The following PEX14 variants were observed in gnomAD, a reference collection of about 807,000 sequenced individuals.
PEX14 encodes the protein peroxisomal biogenesis factor 14.
A neutral mutation model predicts 49.5 loss-of-function variants in PEX14; 15 were observed. The observed-to-expected ratio is 0.30, with a 90% CI of 0.20 to 0.47. The LOEUF (loss-of-function observed/expected upper bound fraction) is 0.47, where lower values mean the gene tolerates loss of function less well. Among genes scored for constraint, PEX14 ranks in the 20% least tolerant of loss-of-function variants. The probability of loss-of-function intolerance (pLI) is 1.00; values close to 1 mark genes in which losing one functional copy is unlikely to be tolerated. For missense variants in PEX14, 398 were observed against 494.8 expected (o/e 0.80, Z 1.86); for synonymous variants, 210 against 212.7 (o/e 0.99, Z 0.11).
chr1:10,546,003 C>CCA (rs1239522382), intron 3 of PEX14, among the ~76,000 whole-genome samples: 3 of 152,002 alleles, frequency 2.0e-5, no homozygotes, highest in Non-Finnish European at 4.4e-5. Context: ...TATGATTGTG[C>CCA]CACTGCACTG....
chr1:10,492,580 TAAAG>T (rs1641490580), intron 1 of PEX14, among the ~76,000 whole-genome samples: 1 of 152,174 alleles, frequency 6.6e-6, no homozygotes, highest in Non-Finnish European at 1.5e-5. Flanking sequence ...TTGTGAGAAT[TAAAG>T]GAGGAAAGAG....
At chr1:10,500,328 C>G (rs556782639) in intron 2 of PEX14, among the ~76,000 whole-genome samples, 2 of 127,642 alleles carry the variant, frequency 1.6e-5, no homozygotes, top group South Asian at 5.5e-4. Context: ...GAACCGAGAT[C>G]GCGCTACTGC....
chr1:10,489,161 A>G (rs952735667), intron 1 of PEX14, among the ~76,000 whole-genome samples: 3 of 151,788 alleles, frequency 2.0e-5, no homozygotes, highest in Non-Finnish European at 4.4e-5. Context: ...TTGTATTCTT[A>G]GTAGAGACGG....
chr1:10,578,170 T>G (rs2124564557), intron 3 of PEX14, among the ~76,000 whole-genome samples: 1 of 152,254 alleles, frequency 6.6e-6, no homozygotes, highest in South Asian at 2.1e-4. Flanking sequence ...ACCCCTCACA[T>G]GCTAGACTAA....
At chr1:10,558,105 T>C (rs1397125031) in intron 3 of PEX14, among the ~76,000 whole-genome samples, 1 of 152,198 alleles carries the variant, frequency 6.6e-6, no homozygotes, top group African/African-American at 2.4e-5. Flanking sequence ...GCAATGTTTT[T>C]ATTATTATAG....
chr1:10,490,555 G>A (rs1321190191), intron 1 of PEX14, among the ~76,000 whole-genome samples: 1 of 152,116 alleles, frequency 6.6e-6, no homozygotes, highest in Non-Finnish European at 1.5e-5. Flanking sequence ...GTCTTTGCCT[G>A]ACTTGTTTTT....
intron 1 of PEX14, among the ~76,000 whole-genome samples, chr1:10,485,733 A>G (rs1641356053): frequency 6.7e-6 from 1 of 149,490 alleles, no homozygotes; most frequent in Non-Finnish European, 1.5e-5. Flanking sequence ...TGTATCTGCA[A>G]CCTTGTTAAC....
At chr1:10,506,935 A>C (rs1004022612) in intron 2 of PEX14, among the ~76,000 whole-genome samples, 1 of 152,200 alleles carries the variant, frequency 6.6e-6, no homozygotes, top group African/African-American at 2.4e-5. Context: ...GTTAATAGAA[A>C]ATGTTTTCAG....
chr1:10,502,581 G>A (rs1641700643), intron 2 of PEX14, among the ~76,000 whole-genome samples: 1 of 152,052 alleles, frequency 6.6e-6, no homozygotes, highest in Admixed American at 6.6e-5. Flanking sequence ...TTAAAGAAAT[G>A]GAATTTGAAA....
At chr1:10,541,622 T>C (rs1472775596) in intron 3 of PEX14, among the ~76,000 whole-genome samples, 1 of 152,220 alleles carries the variant, frequency 6.6e-6, no homozygotes. Flanking sequence ...ACGGACCGTC[T>C]TCCTTCCCTG....
chr1:10,623,048 C>T lies in PEX14; in HGVS notation c.414C>T (p.Gly138=), dbSNP rs1641640720. 1 of 1,613,778 alleles carries T rather than the reference C, an allele frequency of 6.2e-7. No individual in the cohort carries two copies. Among genetic ancestry groups the T allele is most frequent in the Non-Finnish European group, 8.5e-7 (1 of 1,179,866 alleles). ...KKYLLPLILG[G]REDRKQLERM... is the part of the protein sequence containing the mutation. ...ACCTGCTCCCCCTCATCCTGGGCGG[C>T]CGAGAGGACAGAAAGCAGCTGGAGA... The change falls in exon 6 of 9, where the codon GGC becomes GGT. Residue 138 remains glycine, a synonymous_variant. Coordinates refer to ENST00000356607, the MANE Select transcript of PEX14 (RefSeq NM_004565.3). This position sits in a 1 kb window ranked among gnomAD's most constrained non-coding sequence, Gnocchi z 4.4.
At chr1:10,620,291 CAATAAAATAAAATAAAATAA>C (rs59926174) in intron 5 of PEX14, among the ~76,000 whole-genome samples, 2 of 142,268 alleles carry the variant, frequency 1.4e-5, no homozygotes, top group Non-Finnish European at 1.5e-5. Context: ...CTCTACCAAA[CAATAAAATAAAATAAAATAA>C]AATAAAATAA....
At chr1:10,475,535 A>C (rs527638344) in intron 1 of PEX14, among the ~76,000 whole-genome samples, 20 of 152,302 alleles carry the variant, frequency 1.3e-4, no homozygotes, top group African/African-American at 4.3e-4. Flanking sequence ...GTGCGTTGAT[A>C]GGAAAGGGAC....
intron 3 of PEX14, among the ~76,000 whole-genome samples, chr1:10,587,350 T>G (rs996684672): frequency 5.9e-5 from 9 of 151,944 alleles, no homozygotes; most frequent in Admixed American, 2.0e-4. Flanking sequence ...AGCTTCTCGG[T>G]AGGCTGAGGC....
intron 2 of PEX14, among the ~76,000 whole-genome samples, chr1:10,532,604 G>T (rs1638680976): frequency 6.6e-6 from 1 of 152,112 alleles, no homozygotes; most frequent in African/African-American, 2.4e-5. Context: ...AATTCTCCCT[G>T]GCTTGCTGCA....
chr1:10,534,732 A>G (rs1638748767), intron 2 of PEX14, among the ~76,000 whole-genome samples: 2 of 152,142 alleles, frequency 1.3e-5, no homozygotes, highest in Non-Finnish European at 2.9e-5. Context: ...CTTGGCTGTC[A>G]AGGGACACTA....
chr1:10,592,980 A>G (rs1640715274), intron 3 of PEX14, among the ~76,000 whole-genome samples: 1 of 152,126 alleles, frequency 6.6e-6, no homozygotes, highest in Non-Finnish European at 1.5e-5. Context: ...TGACATTAGG[A>G]AAGCAGACCT....
intron 3 of PEX14, among the ~76,000 whole-genome samples, chr1:10,566,900 G>A (rs1639821762): frequency 6.6e-6 from 1 of 151,966 alleles, no homozygotes; most frequent in South Asian, 2.1e-4. Context: ...AAGGATTCAA[G>A]TTCAGTTTTT....
At chr1:10,616,429 G>A (rs1278503398) in intron 4 of PEX14, among the ~76,000 whole-genome samples, 5 of 152,146 alleles carry the variant, frequency 3.3e-5, no homozygotes, top group Non-Finnish European at 7.4e-5. Flanking sequence ...AGCTTCACTC[G>A]GCCGTGTTGT....
Sources: gnomAD v4.1 joint callset for allele counts (sites outside exome capture counted in the v4.1 genomes callset) on GRCh38, gnomAD v4.1.1 for gene constraint, Gnocchi (gnomAD v3.1) non-coding constraint, MANE v1.5 for transcripts, NCBI Gene and HGNC (gene_info 2026-07-23, HGNC 2026-07-21) for gene names.